STK3: variants seen among roughly 807,000 people sequenced by gnomAD.
STK3 encodes serine/threonine-protein kinase 3.
A neutral mutation model predicts 58.0 loss-of-function variants in STK3; 41 were observed. The ratio of observed to expected loss-of-function variants is 0.71; its 90% CI spans 0.55 to 0.92. The LOEUF is 0.92. Among genes scored for constraint, STK3 ranks in the 40% least tolerant of loss-of-function variants. The pLI is 0.00. For synonymous variants in STK3, 170 were observed against 191.0 expected (o/e 0.89, Z 0.91); for missense variants, 479 against 602.7 (o/e 0.79, Z 2.15).
chr8:98,830,158 G>A (rs934259028), upstream of STK3, among the ~76,000 whole-genome samples: 5 of 152,226 alleles, frequency 3.3e-5, no homozygotes, highest in Admixed American at 3.3e-4. Flanking sequence ...AACCTGGGAG[G>A]CAGAGGTTGC....
intron 6 of STK3, among the ~76,000 whole-genome samples, chr8:98,599,149 C>T (rs1816097435): frequency 6.6e-6 from 1 of 151,984 alleles, no homozygotes. Context: ...GATATATGAG[C>T]AAAAGGTTAT....
intron 6 of STK3, among the ~76,000 whole-genome samples, chr8:98,627,126 C>T (rs1420104230): frequency 6.6e-6 from 1 of 152,130 alleles, no homozygotes; most frequent in Non-Finnish European, 1.5e-5. Context: ...TGCTTGTAAT[C>T]TCAACACTTT....
chr8:98,573,271 G>A (rs1813110775), intron 8 of STK3, among the ~76,000 whole-genome samples: 1 of 152,120 alleles, frequency 6.6e-6, no homozygotes, highest in Non-Finnish European at 1.5e-5. Flanking sequence ...AGGAATACCT[G>A]GGTAATTTAT....
chr8:98,699,123 C>T (rs1587342231), intron 6 of STK3, among the ~76,000 whole-genome samples: 2 of 152,210 alleles, frequency 1.3e-5, no homozygotes, highest in East Asian at 1.9e-4. Flanking sequence ...CGTCTTCCAT[C>T]ACTGATACCC....
intron 3 of STK3, among the ~76,000 whole-genome samples, chr8:98,422,496 A>G (rs1818184785): frequency 6.6e-6 from 1 of 152,090 alleles, no homozygotes. Flanking sequence ...CATTTCCACC[A>G]TCAACATCAA....
chr8:98,849,816 G>T (rs1017236025), intron 3 of STK3, among the ~76,000 whole-genome samples: 1 of 152,044 alleles, frequency 6.6e-6, no homozygotes, highest in Non-Finnish European at 1.5e-5. Flanking sequence ...TCAATTTCCA[G>T]GTCCAAAGGA....
At chr8:98,570,616 G>C (rs1812884601) in intron 8 of STK3, among the ~76,000 whole-genome samples, 1 of 151,420 alleles carries the variant, frequency 6.6e-6, no homozygotes, top group East Asian at 1.9e-4. Context: ...AACCAGTAAG[G>C]GCAACCAGCA....
chr8:98,894,741 T>A (rs1257421295), intron 1 of STK3, among the ~76,000 whole-genome samples: 1 of 152,212 alleles, frequency 6.6e-6, no homozygotes, highest in Non-Finnish European at 1.5e-5. Context: ...AATTAATTCA[T>A]TCACTCTACA....
intron 1 of STK3, among the ~76,000 whole-genome samples, chr8:98,803,421 C>T (rs1052743362): frequency 1.7e-4 from 26 of 151,748 alleles, no homozygotes; most frequent in African/African-American, 6.0e-4. Flanking sequence ...GGTGAAACCC[C>T]GTCTCTACTA....
intron 1 of STK3, among the ~76,000 whole-genome samples, chr8:98,899,340 C>T (rs1838572891): frequency 6.6e-6 from 1 of 152,172 alleles, no homozygotes; most frequent in African/African-American, 2.4e-5. Context: ...TCATCAAGCA[C>T]AGTAGGCCCT....
intron 1 of STK3, among the ~76,000 whole-genome samples, chr8:98,795,796 AAATACAATACAATACAATACAATAC>A (rs58299814): frequency 1.2e-3 from 161 of 138,106 alleles, no homozygotes; most frequent in African/African-American, 4.0e-3. Context: ...AATGGCCACA[AAATACAATACAATACAATACAATAC>A]AATACAATAC....
At chr8:98,923,850 TGTGTGCGC>T (rs1212478118) in intron 1 of STK3, among the ~76,000 whole-genome samples, 7 of 121,596 alleles carry the variant, frequency 5.8e-5, no homozygotes, top group African/African-American at 2.4e-4. Context: ...TGTGTGTGTG[TGTGTGCGC>T]GCGCGCGCGC....
At chr8:98,583,706 A>G (rs1285385438) in intron 7 of STK3, among the ~76,000 whole-genome samples, 1 of 152,180 alleles carries the variant, frequency 6.6e-6, no homozygotes, top group Non-Finnish European at 1.5e-5. Context: ...GAATATTCTG[A>G]TATTATTATT....
intron 1 of STK3, among the ~76,000 whole-genome samples, chr8:98,923,785 A>G (rs1254194662): frequency 1.3e-5 from 2 of 151,062 alleles, no homozygotes; most frequent in Non-Finnish European, 2.9e-5. Context: ...GAAAAACCAG[A>G]ACATAAAACT....
chr8:98,475,067 A>G (rs1821207870), intron 10 of STK3, among the ~76,000 whole-genome samples: 1 of 152,208 alleles, frequency 6.6e-6, no homozygotes, highest in African/African-American at 2.4e-5. Context: ...AAAATGAGTC[A>G]ATATTAATAA....
upstream of STK3, among the ~76,000 whole-genome samples, chr8:98,389,936 G>GA (rs1817832645): frequency 6.6e-6 from 1 of 151,916 alleles, no homozygotes; most frequent in Non-Finnish European, 1.5e-5. Context: ...GCAGAGGAGG[G>GA]ATGTGATTTG....
intron 4 of STK3, among the ~76,000 whole-genome samples, chr8:98,742,533 G>C (rs1250019981): frequency 3.3e-5 from 4 of 122,062 alleles, no homozygotes; most frequent in Non-Finnish European, 7.0e-5. Context: ...ATTCAACAAC[G>C]CTTCATGCTA....
At chr8:98,917,394 G>A (rs913112716) in intron 1 of STK3, among the ~76,000 whole-genome samples, 1 of 152,144 alleles carries the variant, frequency 6.6e-6, no homozygotes, top group Non-Finnish European at 1.5e-5. Context: ...GAATCCAGAG[G>A]TGGGCTTCTC....
intron 6 of STK3, among the ~76,000 whole-genome samples, chr8:98,608,438 TTTGATGC>T: frequency 6.6e-6 from 1 of 152,292 alleles, no homozygotes; most frequent in Admixed American, 6.5e-5. Flanking sequence ...TTTTCTTCTG[TTTGATGC>T]ATGTTCACCA....
Sources: allele counts gnomAD v4.1 joint callset (sites outside exome capture counted in the v4.1 genomes callset), GRCh38; gene constraint gnomAD v4.1.1; transcripts MANE v1.5; gene names NCBI Gene and HGNC (gene_info 2026-07-23, HGNC 2026-07-21).